EXOC2: variants seen among roughly 807,000 people sequenced by gnomAD.
EXOC2 encodes exocyst complex component 2, also known as SEC5-like 1.
A neutral mutation model predicts 131.8 loss-of-function variants in EXOC2; 70 were observed. The observed-to-expected ratio is 0.53, with a 90% confidence interval of 0.44 to 0.65. The LOEUF (loss-of-function observed/expected upper bound fraction) is 0.65. Among genes scored for constraint, EXOC2 ranks in the 30% least tolerant of loss-of-function variants. The pLI is 0.00. For missense variants in EXOC2, 923 were observed against 1,108.6 expected (o/e 0.83, Z 2.38); for synonymous variants, 411 against 398.4 (o/e 1.03, Z -0.38).
At chr6:567,755 C>A (rs567421832) in intron 13 of EXOC2, among the ~76,000 whole-genome samples, 8 of 152,108 alleles carry the variant, frequency 5.3e-5, no homozygotes, top group Non-Finnish European at 1.2e-4. Flanking sequence ...GTACCTGGGC[C>A]CTGGTGAATA....
At chr6:605,205 G>A (rs533894843) in intron 7 of EXOC2, among the ~76,000 whole-genome samples, 2 of 152,326 alleles carry the variant, frequency 1.3e-5, no homozygotes, top group African/African-American at 2.4e-5. Flanking sequence ...GCTTTGCACA[G>A]TGTGCAGGGC....
At chr6:522,118 A>C (rs893722771) in intron 23 of EXOC2, among the ~76,000 whole-genome samples, 2 of 152,262 alleles carry the variant, frequency 1.3e-5, no homozygotes, top group African/African-American at 4.8e-5. Context: ...GTGCCTGGCT[A>C]ATCATGGATA....
At chr6:572,438 A>G (rs910535703) in intron 13 of EXOC2, 82 bp downstream of exon 13, 26 of 1,508,726 alleles carry the variant, frequency 1.7e-5, no homozygotes, top group Non-Finnish European at 2.3e-5. Flanking sequence ...CTACATTTTA[A>G]AAAATCACTT....
chr6:548,276 T>C (rs1756964868), intron 22 of EXOC2, among the ~76,000 whole-genome samples: 1 of 152,168 alleles, frequency 6.6e-6, no homozygotes, highest in Admixed American at 6.5e-5. Context: ...CCCAATGTAG[T>C]TCACGAACTG....
chr6:666,177 C>T (rs1763637039), intron 1 of EXOC2, among the ~76,000 whole-genome samples: 1 of 152,072 alleles, frequency 6.6e-6, no homozygotes, highest in African/African-American at 2.4e-5. Context: ...AGTCAGCATC[C>T]TTTCTCCATT....
At chr6:586,721 C>T (rs181505906) in intron 11 of EXOC2, among the ~76,000 whole-genome samples, 1 of 152,292 alleles carries the variant, frequency 6.6e-6, no homozygotes, top group Admixed American at 6.5e-5. Flanking sequence ...TGTTCAGTAA[C>T]CTATTCCATA....
Position 549,268 on chromosome 6 carries a change from T to C in EXOC2, c.2145A>G (p.Leu715=). ...GACGTTCTAGATAGCAGCAATTACT[T>C]AGGACTATCAAAAGGCGCTGTTCCT... ...LTSEQRLLIV[L]SNCCYLERHT... The change falls in exon 22 of 28, where the codon CTA becomes CTG. Residue 715 remains leucine (L), a synonymous_variant. Transcript: ENST00000230449. 5.0e-6 allele frequency: 8 copies of C among 1,614,162 alleles called. No homozygotes were observed. In the Middle Eastern group the frequency reaches 1.3e-3, roughly 266 times the overall value.
In EXOC2 at chr6:486,121, A is replaced by G. The variant is rs1763028682; in HGVS notation, c.*550T>C. 1 of 152,284 alleles carries G rather than the reference A, an allele frequency of 6.6e-6. No individual in the cohort carries two copies. Among genetic ancestry groups the G allele is most frequent in the Non-Finnish European group, 1.5e-5 (1 of 68,064 alleles). The allele number at this position is 152,284 out of a possible 1,614,324, so 9.4% of individuals were successfully genotyped here. On this transcript the variant is annotated 3_prime_UTR_variant, in exon 28 of 28. Coordinates refer to ENST00000230449, the MANE Select transcript of EXOC2 (RefSeq NM_018303.6). ...ATAATCTACCCCAGTTGTAATATGT[A>G]TTTTAATGGAGACCATAAATTTTTC...
intron 23 of EXOC2, among the ~76,000 whole-genome samples, chr6:504,910 A>T (rs1764440698): frequency 6.6e-6 from 1 of 152,234 alleles, no homozygotes; most frequent in Middle Eastern, 3.2e-3. Flanking sequence ...AAAGTAGTAC[A>T]CATATTTCAG....
chr6:571,220 CTTTAATA>C (rs1392710260), intron 13 of EXOC2, among the ~76,000 whole-genome samples: 2 of 152,160 alleles, frequency 1.3e-5, no homozygotes, highest in Admixed American at 1.3e-4. Context: ...TTGTGTATTG[CTTTAATA>C]TTTGAATGTT....
At chr6:653,187 A>G (rs1446946843) in intron 1 of EXOC2, among the ~76,000 whole-genome samples, 1 of 152,218 alleles carries the variant, frequency 6.6e-6, no homozygotes, top group Non-Finnish European at 1.5e-5. Context: ...AAGTAGGCCA[A>G]TTCATAATCC....
At chr6:572,480 G>T in intron 13 of EXOC2, 40 bp downstream of exon 13, 1 of 1,576,564 alleles carries the variant, frequency 6.3e-7, no homozygotes, top group Non-Finnish European at 8.6e-7. Flanking sequence ...AGAAATGCAC[G>T]GTGACTCAGC....
chr6:598,632 C>T (rs1049308393), intron 9 of EXOC2, among the ~76,000 whole-genome samples: 9 of 152,164 alleles, frequency 5.9e-5, no homozygotes, highest in African/African-American at 1.9e-4. Context: ...GGTTAACAAA[C>T]GGCAGAGAAC....
At chr6:552,878 A>AC (rs540648632) in intron 21 of EXOC2, among the ~76,000 whole-genome samples, 17 of 150,418 alleles carry the variant, frequency 1.1e-4, no homozygotes, top group East Asian at 5.8e-4. Context: ...ACACACACAC[A>AC]CCCCCCCTTC....
chr6:619,451 A>G lies in EXOC2; in HGVS notation c.515T>C (p.Ile172Thr), dbSNP rs142709820. 3.9e-4 allele frequency: 634 copies of G among 1,613,832 alleles called. No homozygotes were observed. The highest frequency in any genetic ancestry group is 5.2e-4 in the Non-Finnish European group (614 of 1,179,846). Residue 172 changes from isoleucine to threonine, a missense_variant, in exon 5 of 28, where the codon ATA becomes ACA. Coordinates refer to ENST00000230449, the MANE Select transcript of EXOC2 (RefSeq NM_018303.6). The part of the protein sequence containing the change: ...SENFSAAWYL[I>T]ENHSNTSFEQ... ...TAACCTGGTGTTTGAGTGATTCTCT[A>G]TAAGATACCAGGCTGCTGAGAAATT...
chr6:509,911 C>T (rs1206613415), intron 23 of EXOC2, among the ~76,000 whole-genome samples: 1 of 152,190 alleles, frequency 6.6e-6, no homozygotes, highest in East Asian at 1.9e-4. Context: ...TTTTTAACCC[C>T]TATGCCCCAA....
intron 1 of EXOC2, among the ~76,000 whole-genome samples, chr6:660,628 G>A (rs1763384176): frequency 6.6e-6 from 1 of 152,172 alleles, no homozygotes; most frequent in African/African-American, 2.4e-5. Context: ...GGAACACTTT[G>A]TGGGACAAAA....
At chr6:632,354 C>T (rs952512595) in intron 3 of EXOC2, among the ~76,000 whole-genome samples, 1 of 152,102 alleles carries the variant, frequency 6.6e-6, no homozygotes, top group Non-Finnish European at 1.5e-5. Context: ...GACCAAGTTC[C>T]TAACGCTGCT....
At chr6:625,169 G>C (rs534568327) in intron 4 of EXOC2, among the ~76,000 whole-genome samples, 1 of 152,194 alleles carries the variant, frequency 6.6e-6, no homozygotes, top group Non-Finnish European at 1.5e-5. Context: ...TGGACTGAGC[G>C]AAGAGACACA....
Sources: gnomAD v4.1 joint callset for allele counts (sites outside exome capture counted in the v4.1 genomes callset) on GRCh38, gnomAD v4.1.1 for gene constraint, MANE v1.5 for transcripts, NCBI Gene and HGNC (gene_info 2026-07-23, HGNC 2026-07-21) for gene names.